The following BCAR1 variants were observed in gnomAD, a reference collection of about 807,000 sequenced individuals.
BCAR1 encodes the protein BCAR1 scaffold protein, Cas family member.
In BCAR1, 30 loss-of-function variants were observed where a neutral mutation model predicts 67.6. That is an observed-to-expected ratio of 0.44 (90% CI 0.33 to 0.60). BCAR1 has a LOEUF of 0.60. Among genes scored for constraint, BCAR1 ranks in the 20% least tolerant of loss-of-function variants. The pLI is 0.02. For missense variants in BCAR1, 1,313 were observed against 1,222.3 expected (o/e 1.07, Z -1.11); for synonymous variants, 626 against 556.7 (o/e 1.12, Z -1.75).
At chr16:75,231,945 G>C (rs1026842413) in intron 6 of BCAR1, among the ~76,000 whole-genome samples, 1 of 151,866 alleles carries the variant, frequency 6.6e-6, no homozygotes, top group African/African-American at 2.4e-5. Flanking sequence ...GCAGTGGTGC[G>C]ATCTCGGCTC....
In BCAR1 at chr16:75,228,255, T is replaced by A. The variant is rs1463762460; in HGVS notation, c.*1256A>T. ...TGGGCTGAGCATGATGTGGCTGAGG[T>A]GGGGGGACAGATGCTGTCACGGGGA... is the stretch of plus-strand genomic sequence containing the variant. On this transcript the variant is annotated 3_prime_UTR_variant, in exon 7 of 7. Coordinates refer to ENST00000162330, the MANE Select transcript of BCAR1 (RefSeq NM_014567.5). 6.6e-6 allele frequency: 1 copy of A among 152,102 alleles called. No homozygotes were observed. The highest frequency in any genetic ancestry group is 1.5e-5 in the Non-Finnish European group (1 of 68,132). 9.4% of individuals were successfully genotyped at this position (152,102 alleles called of 1,614,324 possible).
At chr16:75,255,139 G>T (rs1597271710), upstream of BCAR1, among the ~76,000 whole-genome samples, 1 of 152,340 alleles carries the variant, frequency 6.6e-6, no homozygotes, top group East Asian at 1.9e-4. Flanking sequence ...CTCTTCCAAA[G>T]ACTGAAATAA....
At chr16:75,234,031 AGGT>A in intron 5 of BCAR1, 96 bp from the exon 6 acceptor site, 1 of 1,221,562 alleles carries the variant, frequency 8.2e-7, no homozygotes, top group Non-Finnish European at 1.2e-6. Flanking sequence ...AGTGGCCACC[AGGT>A]GGTGCTGCGT....
chr16:75,257,708 T>G (rs1402008710), intron 1 of BCAR1, among the ~76,000 whole-genome samples: 1 of 152,160 alleles, frequency 6.6e-6, no homozygotes, highest in African/African-American at 2.4e-5. Flanking sequence ...CCTCCCGCCT[T>G]GACTTCCCAA....
chr16:75,229,323 TGAG>T lies in BCAR1; in HGVS notation c.*185_*187del. Reference sequence around the variant, plus strand: ...TGGCCGGCCCCTGGGCTTCGGCTCCTGAGGAGGCATGGCCCCACACCCTGCCCG... The same window carrying T: ...TGGCCGGCCCCTGGGCTTCGGCTCCTGAGGCATGGCCCCACACCCTGCCCG... On this transcript the variant is annotated 3_prime_UTR_variant, in exon 7 of 7. Transcript: ENST00000162330. 1.0e-6 allele frequency: 1 copy of T among 998,380 alleles called. No homozygotes were observed. Among genetic ancestry groups the T allele is most frequent in the South Asian group, 2.1e-5 (1 of 47,260 alleles). The allele number at this position is 998,380 out of a possible 1,614,324, so 61.8% of individuals were successfully genotyped here.
intron 1 of BCAR1, chr16:75,264,372 T>C: frequency 1.3e-6 from 2 of 1,530,138 alleles, no homozygotes; most frequent in Non-Finnish European, 8.7e-7. Context: ...CAGGCTCAGG[T>C]GGTCCGCCTT....
At chr16:75,232,257 T>C (rs1302829308) in intron 6 of BCAR1, among the ~76,000 whole-genome samples, 1 of 152,098 alleles carries the variant, frequency 6.6e-6, no homozygotes, top group African/African-American at 2.4e-5. Context: ...GCCTCCTGGG[T>C]TCAAATGATT....
chr16:75,262,689 CT>C lies in BCAR1; in HGVS notation c.66+5225del, dbSNP rs2077931159. On this transcript the variant is annotated intron_variant, in intron 1 of 6. Coordinates refer to the BCAR1 transcript ENST00000393422. ...TTGGGCAGCTCCCCCACTCACACCA[CT>C]GCCTGGCACAGAGCCAGTTCCAGGA... Among the ~76,000 whole-genome samples, 7 of 152,234 alleles carry C rather than the reference CT, an allele frequency of 4.6e-5. No homozygotes were observed. The South Asian group carries it at 1.2e-3, about 27-fold the overall frequency.
chr16:75,256,031 T>TTG (rs2077766770), upstream of BCAR1: 1 of 152,390 alleles, frequency 6.6e-6, no homozygotes. Flanking sequence ...CACGGAACCT[T>TTG]TGTGGATAGC....
chr16:75,266,560 C>T (rs1024801660), intron 1 of BCAR1, among the ~76,000 whole-genome samples: 3 of 152,356 alleles, frequency 2.0e-5, no homozygotes, highest in Middle Eastern at 3.4e-3. Flanking sequence ...TAAACACCCC[C>T]AATTTCAGCT....
At chr16:75,251,013 C>A in intron 1 of BCAR1, 2 of 984,612 alleles carry the variant, frequency 2.0e-6, no homozygotes, top group Non-Finnish European at 2.4e-6. Flanking sequence ...CCCGCCCGGC[C>A]TCGGTCCCCC....
intron 1 of BCAR1, chr16:75,250,557 T>A (rs1597258406): frequency 1.2e-6 from 1 of 848,260 alleles, no homozygotes; most frequent in East Asian, 1.2e-4. Flanking sequence ...AGCCTTGTGG[T>A]AGAAAAGGAG....
At position 75,242,614 on chromosome 16, in the gene BCAR1, G is replaced by T; in HGVS notation, c.489C>A (p.Asp163Glu). The T allele has an allele frequency of 6.6e-7, 1 of 1,513,166 alleles. No individual in the cohort carries two copies. Among genetic ancestry groups the T allele is most frequent in the Middle Eastern group, 1.9e-4 (1 of 5,272 alleles). The allele number at this position is 1,513,166 out of a possible 1,614,324, so 93.7% of individuals were successfully genotyped here. ...PHHPFPSPATDLYQVPPGPGG... is the reference protein window; with the variant it reads ...PHHPFPSPATELYQVPPGPGG... Reference sequence around the variant, plus strand: ...CAGGCCCTGGGGGCACCTGGTACAGGTCTGTGGCCGGGCTGGGAAACGGGT... The same window carrying T: ...CAGGCCCTGGGGGCACCTGGTACAGTTCTGTGGCCGGGCTGGGAAACGGGT... The change falls in exon 2 of 7, where the codon GAC (aspartate) becomes GAA (glutamate). Residue 163 changes from aspartate (D) to glutamate (E), a missense_variant. Around this residue, in one of 2 missense-constraint regions of BCAR1, gnomAD observed 1,272 missense variants for 1,137.5 expected, o/e 1.12. Transcript: ENST00000162330.
At chr16:75,246,517 T>C (rs1406828341) in intron 1 of BCAR1, 1 of 152,168 alleles carries the variant, frequency 6.6e-6, no homozygotes, top group Non-Finnish European at 1.5e-5. Context: ...AGGATTCCTG[T>C]CTGAGAAGAG....
chr16:75,241,148 CTG>C (rs1005351596), intron 2 of BCAR1, among the ~76,000 whole-genome samples: 1 of 152,278 alleles, frequency 6.6e-6, no homozygotes, highest in South Asian at 2.1e-4. Context: ...GTACACGTGT[CTG>C]TGTGTGGGGT....
intron 4 of BCAR1, 189 bp downstream of exon 4, chr16:75,236,693 A>T: frequency 8.3e-7 from 1 of 1,209,962 alleles, no homozygotes; most frequent in Non-Finnish European, 1.1e-6. Context: ...GGTTCTGCCG[A>T]CAAAGAACCT....
chr16:75,238,504 G>A (rs1015144289), intron 2 of BCAR1: 46 of 995,668 alleles, frequency 4.6e-5, no homozygotes, highest in Non-Finnish European at 5.4e-5. Flanking sequence ...CAGGCAGCCA[G>A]CCCTGCTTGC....
rs759346688 is a variant in BCAR1, at chr16:75,242,476, C to T, written c.627G>A (p.Pro209=). The change falls in exon 2 of 7, where the codon CCG becomes CCA. Residue 209 remains proline, a synonymous_variant. Coordinates refer to ENST00000162330, the MANE Select transcript of BCAR1 (RefSeq NM_014567.5). ...TGTGCCAGGACAGCCTTACCTTTGC[C>T]GGGGGCTTCGTGCCCTCCCAGCTGC... ...DTRSWEGTKP[P]AKVVVPTRVG... The T allele has an allele frequency of 1.6e-5, 24 of 1,454,704 alleles. No individual in the cohort carries two copies. Among genetic ancestry groups the T allele is most frequent in the East Asian group, 7.6e-5 (3 of 39,566 alleles). 90.1% of individuals were successfully genotyped at this position (1,454,704 alleles called of 1,614,324 possible). A position where few individuals can be genotyped will look rare whatever the true frequency, so the allele number is the denominator to read the frequency against.
chr16:75,235,607 C>T lies in BCAR1; in HGVS notation c.1292G>A (p.Ser431Asn), dbSNP rs1355239438. 1.3e-6 allele frequency: 2 copies of T among 1,595,652 alleles called. No homozygotes were observed. The highest frequency in any genetic ancestry group is 1.7e-6 in the Non-Finnish European group (2 of 1,170,336). Reference sequence around the variant, plus strand: ...CTGGCTGCTGCGTGTGCTGCCGGTGCTGGAGGCCGACAGGCGCTTGCCCTC... The same window carrying T: ...CTGGCTGCTGCGTGTGCTGCCGGTGTTGGAGGCCGACAGGCGCTTGCCCTC... ...PAEGKRLSASSTGSTRSSQSA... is the reference protein window; with the variant it reads ...PAEGKRLSASNTGSTRSSQSA... Residue 431 changes from serine to asparagine, a missense_variant, in exon 5 of 7, where the codon AGC (serine) becomes AAC (asparagine). Physicochemically the swap from Ser to Asn is conservative, Grantham distance 46. Around this residue, in one of 2 missense-constraint regions of BCAR1, gnomAD observed 1,272 missense variants for 1,137.5 expected, o/e 1.12. Transcript: ENST00000162330.
Sources: allele counts gnomAD v4.1 joint callset (sites outside exome capture counted in the v4.1 genomes callset), GRCh38; gene constraint gnomAD v4.1.1; regional missense constraint gnomAD v4.1.1; transcripts MANE v1.5; gene names NCBI Gene and HGNC (gene_info 2026-07-23, HGNC 2026-07-21).